Variants in NOX4 observed in about 807,000 individuals in gnomAD.
NOX4 encodes kidney oxidase-1.
In NOX4, 69 loss-of-function variants were observed where a neutral mutation model predicts 87.6. The ratio of observed to expected loss-of-function variants is 0.79; its 90% CI spans 0.65 to 0.96. NOX4 has a LOEUF of 0.96. NOX4 is among the 40% of genes least tolerant of loss of function. The pLI is 0.00. For missense variants in NOX4, 680 were observed against 681.5 expected (o/e 1.00, Z 0.02); for synonymous variants, 275 against 238.2 (o/e 1.15, Z -1.42).
At chr11:89,519,572 G>C in the NOX4 span, among the ~76,000 whole-genome samples, 3 of 152,140 alleles carry the variant, frequency 2.0e-5, no homozygotes, top group East Asian at 3.9e-4. Flanking sequence ...AAGGGTATCT[G>C]TAAGGAGACT....
At chr11:89,390,152 T>A (rs1225030806) in intron 11 of NOX4, among the ~76,000 whole-genome samples, 1 of 152,132 alleles carries the variant, frequency 6.6e-6, no homozygotes, top group Non-Finnish European at 1.5e-5. Context: ...ATAGAAGTAA[T>A]TGGACAGAGA....
chr11:89,519,874 A>T, the NOX4 span, among the ~76,000 whole-genome samples: 3 of 152,038 alleles, frequency 2.0e-5, no homozygotes, highest in Non-Finnish European at 4.4e-5. Context: ...CTTTTCTGCT[A>T]CAGGCAGAAC....
chr11:89,542,049 A>C, the NOX4 span, among the ~76,000 whole-genome samples: 1 of 151,916 alleles, frequency 6.6e-6, no homozygotes, highest in African/African-American at 2.4e-5. Flanking sequence ...GGATGCATGC[A>C]ATCCTCCTGC....
intron 2 of NOX4, among the ~76,000 whole-genome samples, chr11:89,468,675 T>C (rs994358164): frequency 6.6e-6 from 1 of 152,174 alleles, no homozygotes; most frequent in East Asian, 1.9e-4. Context: ...TATTCTATTA[T>C]ATTGGTTGTG....
rs143736712 is a variant in NOX4 at position 89,489,415 on chromosome 11, T to G, written c.153+1043A>C. On this transcript the variant is annotated intron_variant, in intron 2 of 17. Transcript: ENST00000263317. ...CCTAAGTTTTTGCAGGGTTTTACAC[T>G]TTTTGCTTGTTGCTTAGAAAATGCA... Among the ~76,000 whole-genome samples, 56 of 152,310 alleles carry G rather than the reference T, an allele frequency of 3.7e-4. 2 individuals carry two copies. The East Asian group carries it at 8.9e-3, about 24-fold the overall frequency.
At chr11:89,441,893 T>C (rs928997627) in intron 5 of NOX4, among the ~76,000 whole-genome samples, 9 of 150,104 alleles carry the variant, frequency 6.0e-5, no homozygotes, top group Non-Finnish European at 8.9e-5. Context: ...ATAGGGTATA[T>C]TGGCACAAAA....
the NOX4 span, among the ~76,000 whole-genome samples, chr11:89,532,820 T>C: frequency 6.6e-6 from 1 of 152,174 alleles, no homozygotes; most frequent in Admixed American, 6.5e-5. Context: ...GTCTCTTCCA[T>C]GACGTTCTCA....
chr11:89,576,956 T>C, the NOX4 span: 1 of 152,232 alleles, frequency 6.6e-6, no homozygotes, highest in East Asian at 1.9e-4. Flanking sequence ...AGAGACCCAA[T>C]ACTATGCCAT....
At chr11:89,353,322 T>C (rs1765457804) in intron 13 of NOX4, among the ~76,000 whole-genome samples, 1 of 152,202 alleles carries the variant, frequency 6.6e-6, no homozygotes, top group Admixed American at 6.5e-5. Context: ...CATGGTTTTA[T>C]GCTAAGAAAT....
In NOX4 at chr11:89,458,047, G is replaced by GA. The variant is rs143437049; in HGVS notation, c.154-6153dup. On this transcript the variant is annotated intron_variant, in intron 2 of 17. Coordinates refer to ENST00000263317, the MANE Select transcript of NOX4 (RefSeq NM_016931.5). ...ACCAATGCCAGTCATCACAGAATTA[G>GA]AAAAAAAACTATTTTAAATTCATAT... is the stretch of plus-strand genomic sequence containing the variant. 2.3e-3 allele frequency among the ~76,000 whole-genome samples: 342 copies of GA among 151,922 alleles called. 1 individual carries two copies. The highest frequency in any genetic ancestry group is 3.7e-3 in the Non-Finnish European group (251 of 67,918).
At chr11:89,329,459 A>T (rs1945374341) in intron 17 of NOX4, among the ~76,000 whole-genome samples, 1 of 120,786 alleles carries the variant, frequency 8.3e-6, no homozygotes, top group South Asian at 3.1e-4. Context: ...GTCCAACATG[A>T]GAGAAGACCA....
the NOX4 span, among the ~76,000 whole-genome samples, chr11:89,546,440 T>C: frequency 1.3e-5 from 2 of 152,138 alleles, no homozygotes; most frequent in African/African-American, 4.8e-5. Context: ...GACTTCCCAT[T>C]TAAGCTTGTT....
chr11:89,400,809 T>A (rs186907677), intron 9 of NOX4, among the ~76,000 whole-genome samples: 1 of 150,846 alleles, frequency 6.6e-6, no homozygotes, highest in East Asian at 2.0e-4. Flanking sequence ...AGATTTTTAA[T>A]GTACATAATG....
chr11:89,496,325 G>A (rs1241275201), upstream of NOX4, among the ~76,000 whole-genome samples: 1 of 152,158 alleles, frequency 6.6e-6, no homozygotes, highest in Non-Finnish European at 1.5e-5. Flanking sequence ...GCTTACAAAT[G>A]TGAAGGCAAT....
At chr11:89,416,500 A>G (rs1191945252) in intron 8 of NOX4, among the ~76,000 whole-genome samples, 2 of 152,158 alleles carry the variant, frequency 1.3e-5, no homozygotes, top group African/African-American at 4.8e-5. Context: ...AAATATCTCT[A>G]TCCTCTAACA....
At chr11:89,425,236 G>T (rs1402599611) in intron 7 of NOX4, among the ~76,000 whole-genome samples, 1 of 151,888 alleles carries the variant, frequency 6.6e-6, no homozygotes, top group East Asian at 1.9e-4. Context: ...CTCATGTACT[G>T]ATGTTAGTGA....
intron 16 of NOX4, 138 bp from the exon 17 acceptor site, chr11:89,336,083 C>T (rs137918353): frequency 6.0e-5 from 27 of 446,446 alleles, no homozygotes; most frequent in Admixed American, 1.3e-4. Context: ...CAACCTATCA[C>T]GTACAATTAT....
the NOX4 span, among the ~76,000 whole-genome samples, chr11:89,506,284 G>GA: frequency 2.0e-5 from 1 of 49,338 alleles, no homozygotes; most frequent in African/African-American, 6.9e-5. Flanking sequence ...AAAAAGAAAG[G>GA]AAGAAAGAAA....
chr11:89,477,427 TGCCTGCCA>T, intron 2 of NOX4, among the ~76,000 whole-genome samples: 1 of 152,262 alleles, frequency 6.6e-6, no homozygotes, highest in Middle Eastern at 3.4e-3. Flanking sequence ...AAGTTTTGCT[TGCCTGCCA>T]GCTGCTCACC....
Sources: gnomAD v4.1 joint callset for allele counts (sites outside exome capture counted in the v4.1 genomes callset) on GRCh38, gnomAD v4.1.1 for gene constraint, MANE v1.5 for transcripts, NCBI Gene and HGNC (gene_info 2026-07-23, HGNC 2026-07-21) for gene names.